Variants in PCDHA6 observed in about 807,000 individuals in gnomAD.
PCDHA6 encodes the protein protocadherin alpha-6.
PCDHA6 carries 55 observed loss-of-function variants against 60.3 expected under a neutral mutation model. The observed-to-expected ratio is 0.91, with a 90% CI of 0.73 to 1.14. The LOEUF (loss-of-function observed/expected upper bound fraction) is 1.14, where lower values mean the gene tolerates loss of function less well. PCDHA6 is among the 50% of genes most tolerant of loss of function. The probability of loss-of-function intolerance (pLI) is 0.00; values close to 1 mark genes in which losing one functional copy is unlikely to be tolerated. For missense variants in PCDHA6, 1,327 were observed against 1,256.5 expected (o/e 1.06, Z -0.85); for synonymous variants, 652 against 557.9 (o/e 1.17, Z -2.38).
In PCDHA6 at chr5:140,829,999, C is replaced by A; in HGVS notation, c.1908C>A (p.Val636=). The A allele has an allele frequency of 1.2e-6, 2 of 1,613,998 alleles. No individual in the cohort carries two copies. Residue 636 remains valine (V), a synonymous_variant, in exon 1 of 4, where the codon GTC becomes GTA. Coordinates refer to ENST00000529310, the MANE Select transcript of PCDHA6 (RefSeq NM_018909.4). Reference sequence around the variant, plus strand: ...CGGGCGAGATCAGCACCACTCGTGTCCTGGACGAAGCGGACTCTCCGCGCC... The same window carrying A: ...CGGGCGAGATCAGCACCACTCGTGTACTGGACGAAGCGGACTCTCCGCGCC... ...LYTGEISTTR[V]LDEADSPRHR...
At chr5:140,905,635 A>ACTGTTGCCTCAGGCAGTGCAGG (rs2071993181) in intron 1 of PCDHA6, among the ~76,000 whole-genome samples, 1 of 152,206 alleles carries the variant, frequency 6.6e-6, no homozygotes, top group South Asian at 2.1e-4. Flanking sequence ...CAGTATGGTC[A>ACTGTTGCCTCAGGCAGTGCAGG]GTTTCACAGT....
chr5:140,967,040 C>G, intron 1 of PCDHA6: 1 of 1,611,752 alleles, frequency 6.2e-7, no homozygotes, highest in South Asian at 1.1e-5. Flanking sequence ...CTACCTGGAG[C>G]TGGACCTGAC....
chr5:140,966,984 G>C lies in PCDHA6; in HGVS notation c.2395-11965G>C, dbSNP rs1217682338. ...CTGGGGCTTGAGCTGCGGCGCTTGGGGCCGGGTTGCTTGCGCATCAACCAT... is the reference window on the plus strand; with the variant it reads ...CTGGGGCTTGAGCTGCGGCGCTTGGCGCCGGGTTGCTTGCGCATCAACCAT... On this transcript the variant is annotated intron_variant, in intron 1 of 3. Transcript: ENST00000529310. 21 of 1,603,802 alleles carry C rather than the reference G, an allele frequency of 1.3e-5. No homozygotes were observed. The East Asian group carries it at 4.5e-4, about 34-fold the overall frequency.
chr5:140,898,999 A>G (rs2067088188), intron 1 of PCDHA6, among the ~76,000 whole-genome samples: 2 of 151,690 alleles, frequency 1.3e-5, no homozygotes, highest in African/African-American at 4.8e-5. Context: ...TTTGTCTGTT[A>G]TTGGTGTATA....
At chr5:140,904,280 G>A in intron 1 of PCDHA6, among the ~76,000 whole-genome samples, 1 of 151,848 alleles carries the variant, frequency 6.6e-6, no homozygotes, top group Non-Finnish European at 1.5e-5. Flanking sequence ...GAGAACATGT[G>A]GTGTTTGGTT....
intron 1 of PCDHA6, among the ~76,000 whole-genome samples, chr5:140,969,721 C>A (rs1399042401): frequency 6.6e-5 from 10 of 152,126 alleles, no homozygotes; most frequent in African/African-American, 2.2e-4. Context: ...GGAAATTTTT[C>A]TTTTGAAATC....
At chr5:140,968,027 C>G in intron 1 of PCDHA6, 2 of 1,614,200 alleles carry the variant, frequency 1.2e-6, no homozygotes, top group Middle Eastern at 1.6e-4. Flanking sequence ...CTCCTATACA[C>G]TGGTGGTGAG....
At chr5:140,968,278 G>A in intron 1 of PCDHA6, 1 of 1,614,014 alleles carries the variant, frequency 6.2e-7, no homozygotes, top group Non-Finnish European at 8.5e-7. Context: ...ATGCAGAGGT[G>A]ACCTACTCCC....
At chr5:141,007,759 T>C (rs1392582275) in intron 3 of PCDHA6, among the ~76,000 whole-genome samples, 6 of 152,312 alleles carry the variant, frequency 3.9e-5, no homozygotes, top group Middle Eastern at 3.4e-3. Flanking sequence ...TGGACTCTTA[T>C]TGGCCTGGAA....
chr5:140,978,994 G>A lies in PCDHA6; in HGVS notation c.2440G>A (p.Ala814Thr). The A allele has an allele frequency of 6.2e-7, 1 of 1,614,152 alleles. No homozygotes were observed. The highest frequency in any genetic ancestry group is 8.5e-7 in the Non-Finnish European group (1 of 1,180,022). The change falls in exon 2 of 4, where the codon GCA (alanine) becomes ACA (threonine). Residue 814 changes from alanine to threonine, a missense_variant. Coordinates refer to ENST00000529310, the MANE Select transcript of PCDHA6 (RefSeq NM_018909.4). ...CTGGCGTTACTCTGCCTCCCTGAGA[G>A]CAGGCATGCACAGGTATGTATTTCC... ...PDWRYSASLR[A>T]GMHSSVHLEE... is the part of the protein sequence containing the mutation.
At chr5:140,852,683 T>C (rs2042437090) in intron 1 of PCDHA6, 5 of 971,736 alleles carry the variant, frequency 5.1e-6, no homozygotes, top group Non-Finnish European at 6.2e-6. Flanking sequence ...ACCTTGAATA[T>C]AGTCTTATAC....
At chr5:140,834,720 C>G in intron 1 of PCDHA6, 1 of 1,614,234 alleles carries the variant, frequency 6.2e-7, no homozygotes, top group Non-Finnish European at 8.5e-7. Context: ...CGTGGAAAGG[C>G]CGCTGCAGGT....
intron 3 of PCDHA6, among the ~76,000 whole-genome samples, chr5:140,991,432 C>T (rs2153896288): frequency 6.6e-6 from 1 of 152,310 alleles, no homozygotes; most frequent in Non-Finnish European, 1.5e-5. Flanking sequence ...TAACCATAAA[C>T]TTCATGGCTT....
intron 1 of PCDHA6, among the ~76,000 whole-genome samples, chr5:140,913,389 C>T (rs1427012396): frequency 6.6e-6 from 1 of 152,122 alleles, no homozygotes; most frequent in Admixed American, 6.5e-5. Flanking sequence ...CTCATCATAG[C>T]CACTAATGAT....
intron 1 of PCDHA6, among the ~76,000 whole-genome samples, chr5:140,975,853 C>T (rs1419464318): frequency 6.6e-6 from 1 of 152,126 alleles, no homozygotes; most frequent in African/African-American, 2.4e-5. Context: ...AATACTACAT[C>T]ACCCATATGG....
chr5:140,949,892 C>G (rs2094430270), intron 1 of PCDHA6, among the ~76,000 whole-genome samples: 1 of 151,674 alleles, frequency 6.6e-6, no homozygotes, highest in African/African-American at 2.4e-5. Context: ...TCCTCAGAAT[C>G]TCTTTTAATT....
intron 2 of PCDHA6, chr5:140,982,217 C>T (rs1257918481): frequency 3.9e-6 from 2 of 507,664 alleles, no homozygotes; most frequent in Non-Finnish European, 6.2e-6. Context: ...CGCCACATGG[C>T]GTTAATAAAA....
In PCDHA6 at chr5:141,012,312, C is replaced by CTGT; in HGVS notation, c.*2377_*2379dup. On this transcript the variant is annotated 3_prime_UTR_variant, in exon 4 of 4. Transcript: ENST00000529310. ...TGAATTGGTGCTATTGGTATTTCCT[C>CTGT]TGTTATTGCTAATAAATGAAAATGG... The CTGT allele has an allele frequency of 6.5e-6, 1 of 153,698 alleles. No individual in the cohort carries two copies. Among genetic ancestry groups the CTGT allele is most frequent in the Middle Eastern group, 3.2e-3 (1 of 316 alleles). 9.5% of individuals were successfully genotyped at this position (153,698 alleles called of 1,614,324 possible).
chr5:140,971,805 T>C (rs938421537), intron 1 of PCDHA6, among the ~76,000 whole-genome samples: 1 of 152,166 alleles, frequency 6.6e-6, no homozygotes, highest in Non-Finnish European at 1.5e-5. Flanking sequence ...AATATTATAA[T>C]ATTGAATACA....
Sources: allele counts gnomAD v4.1 joint callset (sites outside exome capture counted in the v4.1 genomes callset), GRCh38; gene constraint gnomAD v4.1.1; transcripts MANE v1.5; gene names NCBI Gene and HGNC (gene_info 2026-07-23, HGNC 2026-07-21).